Variants in BABAM2 observed in about 807,000 individuals in gnomAD.
BABAM2 encodes the protein BRISC and BRCA1 A complex member 2.
Under a neutral mutation model 54.7 loss-of-function variants are expected in BABAM2, and 31 were observed. The ratio of observed to expected loss-of-function variants is 0.57; its 90% CI spans 0.43 to 0.77. The LOEUF is 0.77. BABAM2 is among the 30% of genes least tolerant of loss of function. The pLI is 0.00. For missense variants in BABAM2, 364 were observed against 455.8 expected, an observed-to-expected ratio of 0.80 and a Z score of 1.83; for synonymous variants, 167 against 162.9, an observed-to-expected ratio of 1.03 and a Z score of -0.19.
chr2:28,160,113 C>A (rs946863641), intron 7 of BABAM2, among the ~76,000 whole-genome samples: 3 of 152,106 alleles, frequency 2.0e-5, no homozygotes, highest in African/African-American at 7.2e-5. Context: ...TTCCAAGTAG[C>A]TGGGACTACA....
intron 3 of BABAM2, among the ~76,000 whole-genome samples, chr2:27,940,884 C>T (rs1363003663): frequency 6.6e-6 from 1 of 152,168 alleles, no homozygotes; most frequent in Non-Finnish European, 1.5e-5. Flanking sequence ...TGTCTTTCTC[C>T]TGCAACATAT....
chr2:28,240,972 C>T (rs1035421080), intron 8 of BABAM2, among the ~76,000 whole-genome samples: 1 of 151,086 alleles, frequency 6.6e-6, no homozygotes. Flanking sequence ...TGAAAATGGA[C>T]AGGGTACTAG....
Position 28,040,446 on chromosome 2 carries a change from G to A in BABAM2, c.496-5279G>A, listed in dbSNP as rs1358778805. Reference sequence around the variant, plus strand: ...CTCCAGAGTAGCTGGGACTACAGGCGCCCGCCACTACGCCCGGCTAATTTT... The same window carrying A: ...CTCCAGAGTAGCTGGGACTACAGGCACCCGCCACTACGCCCGGCTAATTTT... On this transcript the variant is annotated intron_variant, in intron 5 of 11. Transcript: ENST00000379624. Among the ~76,000 whole-genome samples, 21 of 149,778 alleles carry A rather than the reference G, an allele frequency of 1.4e-4. 1 individual carries two copies. The highest frequency in any genetic ancestry group is 1.1e-3 in the Admixed American group (16 of 15,108).
chr2:28,309,083 CT>C (rs1446816743), intron 11 of BABAM2: 4 of 152,316 alleles, frequency 2.6e-5, no homozygotes, highest in Non-Finnish European at 4.4e-5. Context: ...AAAATCAAGG[CT>C]TTGTCTGGGT....
chr2:28,310,766 C>T (rs184478649), intron 11 of BABAM2, among the ~76,000 whole-genome samples: 26 of 152,168 alleles, frequency 1.7e-4, no homozygotes, highest in African/African-American at 6.3e-4. Flanking sequence ...CGTCTGTAAT[C>T]CCAGCTACTT....
intron 7 of BABAM2, among the ~76,000 whole-genome samples, chr2:28,192,270 G>A (rs537988412): frequency 2.1e-4 from 32 of 152,150 alleles, no homozygotes; most frequent in African/African-American, 7.0e-4. Context: ...TCCTGACCTC[G>A]TGATCTGCCT....
intron 10 of BABAM2, among the ~76,000 whole-genome samples, chr2:28,293,739 C>T (rs4665407): frequency 0.51 from 76,881 of 151,994 alleles, 19,609 homozygotes; most frequent in East Asian, 0.62. Context: ...TTATTGAGAC[C>T]GAGTGTAGTG....
intron 8 of BABAM2, among the ~76,000 whole-genome samples, chr2:28,237,871 G>C (rs1682057909): frequency 6.6e-6 from 1 of 150,926 alleles, no homozygotes; most frequent in Admixed American, 6.6e-5. Flanking sequence ...TATTTTTTTT[G>C]AGACAGAGTC....
At chr2:28,112,146 TTTACC>T (rs1668118040) in intron 6 of BABAM2, among the ~76,000 whole-genome samples, 8 of 10,556 alleles carry the variant, frequency 7.6e-4, no homozygotes, top group Non-Finnish European at 1.2e-3. Context: ...TCTTTCTTTC[TTTACC>T]TCCCTCCCTC....
At chr2:27,938,815 C>T (rs1478720414) in intron 3 of BABAM2, among the ~76,000 whole-genome samples, 1 of 100,748 alleles carries the variant, frequency 9.9e-6, no homozygotes, top group Non-Finnish European at 2.8e-5. Flanking sequence ...CTCTAACCTT[C>T]TCCTTTTTGT....
At chr2:28,030,757 G>T (rs1271509870) in intron 5 of BABAM2, among the ~76,000 whole-genome samples, 1 of 152,108 alleles carries the variant, frequency 6.6e-6, no homozygotes, top group Non-Finnish European at 1.5e-5. Context: ...CACAAACTTG[G>T]TGGCTTAGGA....
At chr2:28,314,146 CA>C (rs1689311835) in intron 11 of BABAM2, among the ~76,000 whole-genome samples, 1 of 152,124 alleles carries the variant, frequency 6.6e-6, no homozygotes, top group African/African-American at 2.4e-5. Context: ...ACCTTACAGA[CA>C]ATAAGAATTG....
intron 7 of BABAM2, among the ~76,000 whole-genome samples, chr2:28,230,978 A>T (rs1438094065): frequency 6.6e-5 from 10 of 152,196 alleles, no homozygotes; most frequent in Non-Finnish European, 5.9e-5. Flanking sequence ...AGACTTTTAA[A>T]AATTCTACTT....
chr2:27,959,858 T>C (rs1014293155), intron 3 of BABAM2, among the ~76,000 whole-genome samples: 2 of 152,162 alleles, frequency 1.3e-5, no homozygotes, highest in African/African-American at 4.8e-5. Flanking sequence ...TTTCAGTGAA[T>C]GTTGGCTAGA....
At chr2:28,115,185 A>G (rs1193454136) in intron 6 of BABAM2, among the ~76,000 whole-genome samples, 1 of 42,070 alleles carries the variant, frequency 2.4e-5, no homozygotes, top group East Asian at 1.7e-3. Context: ...ACTTTAAAAC[A>G]CACACACACA....
At chr2:27,906,278 A>T (rs1282477336) in intron 2 of BABAM2, among the ~76,000 whole-genome samples, 1 of 152,144 alleles carries the variant, frequency 6.6e-6, no homozygotes, top group African/African-American at 2.4e-5. Context: ...TCCATCAGGA[A>T]GTATTCCTTG....
chr2:28,106,880 T>C (rs1667573630), intron 6 of BABAM2, among the ~76,000 whole-genome samples: 1 of 152,244 alleles, frequency 6.6e-6, no homozygotes, highest in African/African-American at 2.4e-5. Context: ...ATTATTTTGA[T>C]GCTCAATATT....
At chr2:28,100,655 A>G (rs953903891) in intron 6 of BABAM2, among the ~76,000 whole-genome samples, 1 of 152,188 alleles carries the variant, frequency 6.6e-6, no homozygotes, top group Non-Finnish European at 1.5e-5. Flanking sequence ...ATCAGGAAGC[A>G]CAAACAAGAG....
At chr2:28,248,358 C>T (rs1297360576) in intron 10 of BABAM2, among the ~76,000 whole-genome samples, 4 of 151,254 alleles carry the variant, frequency 2.6e-5, no homozygotes, top group Non-Finnish European at 5.9e-5. Context: ...TACAGGCATG[C>T]GCCACCATGC....
Sources: allele counts gnomAD v4.1 joint callset (sites outside exome capture counted in the v4.1 genomes callset), GRCh38; gene constraint gnomAD v4.1.1; transcripts MANE v1.5; gene names NCBI Gene and HGNC (gene_info 2026-07-23, HGNC 2026-07-21).